The following JAKMIP1 variants were observed in gnomAD, a reference collection of about 807,000 sequenced individuals.
JAKMIP1 encodes the protein janus kinase and microtubule interacting protein 1.
Under a neutral mutation model 113.0 loss-of-function variants are expected in JAKMIP1, and 33 were observed. The ratio of observed to expected loss-of-function variants is 0.29; its 90% CI spans 0.22 to 0.39. The LOEUF is 0.39. Among genes scored for constraint, JAKMIP1 ranks in the 10% least tolerant of loss-of-function variants. The pLI, the probability that JAKMIP1 is intolerant of heterozygous loss-of-function variation, is 1.00. For synonymous variants in JAKMIP1, 480 were observed against 459.9 expected, an observed-to-expected ratio of 1.04 and a Z score of -0.56; for missense variants, 813 against 1,080.5, an observed-to-expected ratio of 0.75 and a Z score of 3.47.
chr4:6,089,436 A>C lies in JAKMIP1; in HGVS notation c.625-3807T>G, dbSNP rs769066741. 1.3e-5 allele frequency among the ~76,000 whole-genome samples: 2 copies of C among 152,214 alleles called. No individual in the cohort carries two copies. Among genetic ancestry groups the C allele is most frequent in the Non-Finnish European group, 2.9e-5 (2 of 68,036 alleles). On this transcript the variant is annotated intron_variant, in intron 3 of 20. Transcript: ENST00000409021. The surrounding 1 kb of genome is among the most constrained non-coding windows in gnomAD (Gnocchi z 5.3). ...GTGAGCTAGGTACTCATTTGTACTT[A>C]AGAGACACTCTCTGAGTCTTTAAAA...
chr4:6,132,799 A>G (rs1388813790), intron 1 of JAKMIP1, among the ~76,000 whole-genome samples: 1 of 152,232 alleles, frequency 6.6e-6, no homozygotes, highest in Admixed American at 6.5e-5. Context: ...AAATACACCA[A>G]TAAAAGAGAC....
Position 6,140,519 on chromosome 4 carries a change from T to A in JAKMIP1, c.-147-27522A>T, listed in dbSNP as rs541474671. 6.6e-6 allele frequency among the ~76,000 whole-genome samples: 1 copy of A among 152,054 alleles called. No homozygotes were observed. The highest frequency in any genetic ancestry group is 1.5e-5 in the Non-Finnish European group (1 of 68,036). On this transcript the variant is annotated intron_variant, in intron 1 of 20. Transcript: ENST00000409021. This position sits in a 1 kb window ranked among gnomAD's most constrained non-coding sequence, Gnocchi z 9.4. Reference sequence around the variant, plus strand: ...ATCAGCTTAAGGCCCCTTCCAATAATGTGGCTCGGGTCTTTCTGCAGGGTC... The same window carrying A: ...ATCAGCTTAAGGCCCCTTCCAATAAAGTGGCTCGGGTCTTTCTGCAGGGTC...
Position 6,193,470 on chromosome 4 carries a change from G to A in JAKMIP1, c.-148+6783C>T, listed in dbSNP as rs1202492990. On this transcript the variant is annotated intron_variant, in intron 1 of 20. Coordinates refer to ENST00000409021, the MANE Select transcript of JAKMIP1 (RefSeq NM_001099433.2). This position sits in a 1 kb window ranked among gnomAD's most constrained non-coding sequence, Gnocchi z 6.4. The stretch of plus-strand genomic sequence containing the variant: ...AGACGTGAGGGATGAAAAGAAGCCA[G>A]TCTGGGCCAGGGTAGGGATGAACAT... Among the ~76,000 whole-genome samples the A allele has an allele frequency of 6.6e-6, 1 of 152,234 alleles. No individual in the cohort carries two copies.
Position 6,180,337 on chromosome 4 carries a change from A to T in JAKMIP1, c.-148+19916T>A, listed in dbSNP as rs183147873. Among the ~76,000 whole-genome samples the T allele has an allele frequency of 6.6e-5, 10 of 152,352 alleles. No individual in the cohort carries two copies. Among genetic ancestry groups the T allele is most frequent in the African/African-American group, 2.4e-4 (10 of 41,588 alleles). On this transcript the variant is annotated intron_variant, in intron 1 of 20. Coordinates refer to ENST00000409021, the MANE Select transcript of JAKMIP1 (RefSeq NM_001099433.2). This position sits in a 1 kb window ranked among gnomAD's most constrained non-coding sequence, Gnocchi z 4.5. ...ATCAACATTCAAGAGAACATAATGAAGCTTCCTTTAGAACATTCTGTGCAC... is the reference window on the plus strand; with the variant it reads ...ATCAACATTCAAGAGAACATAATGATGCTTCCTTTAGAACATTCTGTGCAC...
intron 1 of JAKMIP1, among the ~76,000 whole-genome samples, chr4:6,182,412 A>AG (rs542329496): frequency 1.2e-5 from 1 of 82,216 alleles, no homozygotes; most frequent in Admixed American, 1.0e-4. Context: ...CTGTCTCAGA[A>AG]AAAAAAAAAA....
chr4:6,125,869 C>A (rs1246150741), intron 1 of JAKMIP1, among the ~76,000 whole-genome samples: 19 of 2,552 alleles, frequency 7.4e-3, no homozygotes, highest in East Asian at 0.023. Flanking sequence ...GAAACTCGCG[C>A]CATACACTCC....
At chr4:6,078,909 G>C in intron 8 of JAKMIP1, 30 bp downstream of exon 8, 1 of 1,613,046 alleles carries the variant, frequency 6.2e-7, no homozygotes, top group Non-Finnish European at 8.5e-7. Flanking sequence ...ACAGCGGCAA[G>C]GTAGGGCAGG....
chr4:6,179,219 G>A lies in JAKMIP1; in HGVS notation c.-148+21034C>T. 6.6e-6 allele frequency among the ~76,000 whole-genome samples: 1 copy of A among 152,196 alleles called. No homozygotes were observed. The highest frequency in any genetic ancestry group is 1.9e-4 in the East Asian group (1 of 5,194). ...GCAGCCCTATGTGGCTGGAGAGAGG[G>A]TGAGATTCTCATCTCAAAGCCCCAG... On this transcript the variant is annotated intron_variant, in intron 1 of 20. Coordinates refer to ENST00000409021, the MANE Select transcript of JAKMIP1 (RefSeq NM_001099433.2). This position sits in a 1 kb window ranked among gnomAD's most constrained non-coding sequence, Gnocchi z 4.5.
In JAKMIP1 at chr4:6,081,214, G is replaced by T. The variant is rs1165829713; in HGVS notation, c.1101+395C>A. 3.3e-5 allele frequency among the ~76,000 whole-genome samples: 5 copies of T among 152,230 alleles called. No individual in the cohort carries two copies. On this transcript the variant is annotated intron_variant, in intron 6 of 20. Coordinates refer to ENST00000409021, the MANE Select transcript of JAKMIP1 (RefSeq NM_001099433.2). The surrounding 1 kb of genome is among the most constrained non-coding windows in gnomAD (Gnocchi z 4.6). ...GAAACCCCTCTGCAGAGCATCGCCAGCGATCATTGTAACAGCTTTCACTTG... is the reference window on the plus strand; with the variant it reads ...GAAACCCCTCTGCAGAGCATCGCCATCGATCATTGTAACAGCTTTCACTTG...
intron 1 of JAKMIP1, among the ~76,000 whole-genome samples, chr4:6,113,636 T>C (rs1256383600): frequency 6.6e-6 from 1 of 152,202 alleles, no homozygotes; most frequent in Non-Finnish European, 1.5e-5. Context: ...GAGGAAATAG[T>C]ATGAACCTGA....
chr4:6,142,817 A>G lies in JAKMIP1; in HGVS notation c.-147-29820T>C, dbSNP rs1720349600. On this transcript the variant is annotated intron_variant, in intron 1 of 20. Coordinates refer to ENST00000409021, the MANE Select transcript of JAKMIP1 (RefSeq NM_001099433.2). This position sits in a 1 kb window ranked among gnomAD's most constrained non-coding sequence, Gnocchi z 5.5. Reference sequence around the variant, plus strand: ...CTCCCAGGGGTACAAATGGCATCACAGGATTTTCAACAACTTCATTGCTTA... The same window carrying G: ...CTCCCAGGGGTACAAATGGCATCACGGGATTTTCAACAACTTCATTGCTTA... Among the ~76,000 whole-genome samples the G allele has an allele frequency of 6.6e-6, 1 of 152,226 alleles. No individual in the cohort carries two copies. The highest frequency in any genetic ancestry group is 6.5e-5 in the Admixed American group (1 of 15,288).
At chr4:6,175,419 C>G (rs1366417832) in intron 1 of JAKMIP1, among the ~76,000 whole-genome samples, 1 of 152,226 alleles carries the variant, frequency 6.6e-6, no homozygotes, top group Non-Finnish European at 1.5e-5. Context: ...GCTGGGAGTA[C>G]AGGTGAATGC....
chr4:6,061,097 C>A lies in JAKMIP1; in HGVS notation c.1561-590G>T, dbSNP rs565681387. Among the ~76,000 whole-genome samples, 1 of 152,354 alleles carries A rather than the reference C, an allele frequency of 6.6e-6. No individual in the cohort carries two copies. The highest frequency in any genetic ancestry group is 1.5e-5 in the Non-Finnish European group (1 of 68,042). On this transcript the variant is annotated intron_variant, in intron 10 of 20. Coordinates refer to ENST00000409021, the MANE Select transcript of JAKMIP1 (RefSeq NM_001099433.2). This position sits in a 1 kb window ranked among gnomAD's most constrained non-coding sequence, Gnocchi z 5.3. ...TCCCATCTCAGGGAGACACTGCTAC[C>A]CAGCAGCAGCCACAAGAAATGGGAC... is the stretch of plus-strand genomic sequence containing the variant.
chr4:6,067,808 C>A lies in JAKMIP1; in HGVS notation c.1303-2800G>T, dbSNP rs1292893391. Among the ~76,000 whole-genome samples the A allele has an allele frequency of 6.8e-6, 1 of 147,652 alleles. No homozygotes were observed. The highest frequency in any genetic ancestry group is 2.5e-5 in the African/African-American group (1 of 40,064). The stretch of plus-strand genomic sequence containing the variant: ...AGCTCTTCTGCACACGCAGGTCACC[C>A]CCCTGAGCTCCACGTTCACTCAAGC... On this transcript the variant is annotated intron_variant, in intron 8 of 20. Coordinates refer to ENST00000409021, the MANE Select transcript of JAKMIP1 (RefSeq NM_001099433.2). The surrounding 1 kb of genome is among the most constrained non-coding windows in gnomAD (Gnocchi z 4.6).
chr4:6,164,962 T>C (rs1423892638), intron 1 of JAKMIP1, among the ~76,000 whole-genome samples: 4 of 152,214 alleles, frequency 2.6e-5, no homozygotes, highest in African/African-American at 9.6e-5. Flanking sequence ...CAGCAAAGAA[T>C]TTAAAGTATG....
intron 1 of JAKMIP1, among the ~76,000 whole-genome samples, chr4:6,127,944 A>G (rs1717956954): frequency 6.6e-6 from 1 of 152,208 alleles, no homozygotes; most frequent in Non-Finnish European, 1.5e-5. Flanking sequence ...GGAGCCCTTT[A>G]GAGATCGGGA....
intron 1 of JAKMIP1, among the ~76,000 whole-genome samples, chr4:6,165,989 C>T (rs1458891566): frequency 1.3e-5 from 2 of 152,090 alleles, no homozygotes; most frequent in East Asian, 3.9e-4. Context: ...TCTGGGTTCG[C>T]GGACGCATCA....
At position 6,104,289 on chromosome 4, in the gene JAKMIP1, C is replaced by T. The variant is rs983347497; in HGVS notation, c.624+1184G>A. Among the ~76,000 whole-genome samples the T allele has an allele frequency of 3.3e-5, 5 of 152,158 alleles. No individual in the cohort carries two copies. The East Asian group carries it at 5.8e-4, about 18-fold the overall frequency. ...GTGTTCTACTGTTTGCTGAGAGAAG[C>T]GTGTTCGTCCCCAACCGTAACTGTG... On this transcript the variant is annotated intron_variant, in intron 3 of 20. Coordinates refer to ENST00000409021, the MANE Select transcript of JAKMIP1 (RefSeq NM_001099433.2).
Position 6,178,512 on chromosome 4 carries a change from T to C in JAKMIP1, c.-148+21741A>G, listed in dbSNP as rs1725654048. On this transcript the variant is annotated intron_variant, in intron 1 of 20. Transcript: ENST00000409021. The surrounding 1 kb of genome is among the most constrained non-coding windows in gnomAD (Gnocchi z 5.5). ...TATTTGTGTCTGTGGGTGTGTTTGG[T>C]GGGGAATTGAAGTAGGTGGTTTTCT... Among the ~76,000 whole-genome samples the C allele has an allele frequency of 6.6e-6, 1 of 152,204 alleles. No homozygotes were observed. Among genetic ancestry groups the C allele is most frequent in the Non-Finnish European group, 1.5e-5 (1 of 68,032 alleles).
Sources: allele counts gnomAD v4.1 joint callset (sites outside exome capture counted in the v4.1 genomes callset), GRCh38; gene constraint gnomAD v4.1.1; non-coding constraint Gnocchi (gnomAD v3.1); transcripts MANE v1.5; gene names NCBI Gene and HGNC (gene_info 2026-07-23, HGNC 2026-07-21).